Variants in DMD observed in about 807,000 individuals in gnomAD.
DMD encodes the protein dystrophin, also known as mutant dystrophin.
DMD carries 63 observed loss-of-function variants against 330.1 expected under a neutral mutation model. The ratio of observed to expected loss-of-function variants is 0.19; its 90% CI spans 0.16 to 0.24. DMD has a LOEUF of 0.24. Ranked by LOEUF, DMD falls within the 10% of genes least tolerant of loss-of-function variation. DMD has a pLI of 1.00. For missense variants in DMD, 3,344 were observed against 2,684.1 expected (o/e 1.25, Z -5.43); for synonymous variants, 1,223 against 959.8 (o/e 1.27, Z -5.07).
chrX:32,431,466 C>T (rs1214561074), intron 29 of DMD, among the ~76,000 whole-genome samples: 1 of 110,061 alleles, frequency 9.1e-6, no homozygotes, highest in Non-Finnish European at 1.9e-5. Context: ...TCTTTATTCT[C>T]CTCTTTGAAA....
chrX:31,125,662 T>G (rs1442011377), intron 78 of DMD, among the ~76,000 whole-genome samples: 1 of 111,747 alleles, frequency 8.9e-6, no homozygotes, highest in Non-Finnish European at 1.9e-5. Context: ...CATCCAACAG[T>G]CACTTAATTA....
At chrX:32,625,076 C>T (rs1490150021) in intron 11 of DMD, among the ~76,000 whole-genome samples, 1 of 111,912 alleles carries the variant, frequency 8.9e-6, no homozygotes, top group African/African-American at 3.3e-5. Flanking sequence ...GAGGCTGAGG[C>T]AGGACAATTG....
At position 31,483,302 on chromosome X, in the gene DMD, T is replaced by C. The variant is rs771041671; in HGVS notation, c.8548-4199A>G. ...ACCTCGTGATCTGCCCGCCTTGGCC[T>C]CCCAAAGTGCTGGGATTACAGGCGT... On this transcript the variant is annotated intron_variant, in intron 57 of 78. Transcript: ENST00000357033. Among the ~76,000 whole-genome samples, 4 of 110,726 alleles carry C rather than the reference T, an allele frequency of 3.6e-5. No individual in the cohort carries two copies. In the South Asian group the frequency reaches 1.5e-3, roughly 42 times the overall value.
chrX:32,869,732 A>G (rs2082799707), intron 2 of DMD, among the ~76,000 whole-genome samples: 1 of 110,109 alleles, frequency 9.1e-6, no homozygotes, highest in South Asian at 3.9e-4. Flanking sequence ...AGACGCAGAA[A>G]AGTCTTGATA....
chrX:32,878,067 G>A (rs2083516840), intron 2 of DMD, among the ~76,000 whole-genome samples: 1 of 112,307 alleles, frequency 8.9e-6, no homozygotes, highest in Non-Finnish European at 1.9e-5. Context: ...AAAGGCATCA[G>A]ATTTCTATTT....
intron 44 of DMD, among the ~76,000 whole-genome samples, chrX:32,118,864 A>C (rs2096622529): frequency 9.0e-6 from 1 of 110,939 alleles, no homozygotes; most frequent in Admixed American, 9.6e-5. Flanking sequence ...GATTCTCATA[A>C]GGAGCACACA....
chrX:32,878,310 G>A (rs892500502), intron 2 of DMD, among the ~76,000 whole-genome samples: 1 of 111,447 alleles, frequency 9.0e-6, no homozygotes, highest in African/African-American at 3.3e-5. Context: ...CCTGGGAGGC[G>A]GAGCTTGCAG....
At chrX:32,873,314 C>A (rs920429410) in intron 2 of DMD, among the ~76,000 whole-genome samples, 3 of 110,018 alleles carry the variant, frequency 2.7e-5, no homozygotes, top group Non-Finnish European at 5.7e-5. Context: ...CGTTCACATA[C>A]ACACAGGCAT....
rs756367978 is a variant in DMD at position 32,150,227 on chromosome X, T to G, written c.6438+66689A>C. ...TCTTCATTCAGGAATAAAAATAACGTGGAAAGTTATGAGGATAAAACAGGG... is the reference window on the plus strand; with the variant it reads ...TCTTCATTCAGGAATAAAAATAACGGGGAAAGTTATGAGGATAAAACAGGG... On this transcript the variant is annotated intron_variant, in intron 44 of 78. Coordinates refer to ENST00000357033, the MANE Select transcript of DMD (RefSeq NM_004006.3). Among the ~76,000 whole-genome samples the G allele has an allele frequency of 2.7e-5, 3 of 111,801 alleles. No individual in the cohort carries two copies. In the South Asian group the frequency reaches 1.1e-3, roughly 42 times the overall value.
At chrX:32,247,645 A>T (rs1041994676) in intron 43 of DMD, among the ~76,000 whole-genome samples, 3 of 111,068 alleles carry the variant, frequency 2.7e-5, no homozygotes, top group African/African-American at 9.8e-5. Context: ...CAATTCAAGG[A>T]TCATCTCACC....
intron 48 of DMD, among the ~76,000 whole-genome samples, chrX:31,840,402 GATAA>G (rs201742487): frequency 0.052 from 5,689 of 110,146 alleles, 122 homozygotes; most frequent in Middle Eastern, 0.095. Flanking sequence ...TATTAGATAT[GATAA>G]ATACACATAT....
intron 22 of DMD, among the ~76,000 whole-genome samples, chrX:32,471,373 T>TA (rs780662985): frequency 2.1e-4 from 24 of 112,143 alleles, no homozygotes; most frequent in Admixed American, 3.8e-4. Flanking sequence ...AGAAGGATGT[T>TA]AAAAAAATGT....
chrX:31,721,762 A>G (rs1257511757), intron 52 of DMD, among the ~76,000 whole-genome samples: 2 of 97,355 alleles, frequency 2.1e-5, no homozygotes, highest in African/African-American at 3.7e-5. Context: ...ATTATTAGAT[A>G]CAACAGAAGA....
intron 16 of DMD, among the ~76,000 whole-genome samples, chrX:32,556,585 A>T (rs766356597): frequency 1.6e-4 from 18 of 112,099 alleles, no homozygotes; most frequent in Non-Finnish European, 3.4e-4. Context: ...AGACAAGATA[A>T]AGAAAATGTG....
At chrX:32,905,889 G>A (rs1421681212) in intron 2 of DMD, among the ~76,000 whole-genome samples, 1 of 111,240 alleles carries the variant, frequency 9.0e-6, no homozygotes, top group African/African-American at 3.3e-5. Flanking sequence ...AATCTCTCCG[G>A]ACATGGTGAA....
At chrX:31,899,135 A>T (rs993109495) in intron 47 of DMD, among the ~76,000 whole-genome samples, 12 of 111,957 alleles carry the variant, frequency 1.1e-4, no homozygotes, top group African/African-American at 3.6e-4. Flanking sequence ...ATTCAATTGC[A>T]GTGTGCTCCT....
At chrX:32,005,579 A>G (rs1236723227) in intron 44 of DMD, among the ~76,000 whole-genome samples, 2 of 110,762 alleles carry the variant, frequency 1.8e-5, no homozygotes, top group Non-Finnish European at 3.8e-5. Flanking sequence ...TTCCCTAACC[A>G]CTGGGAATAG....
intron 44 of DMD, among the ~76,000 whole-genome samples, chrX:32,084,734 G>T (rs982624272): frequency 9.0e-6 from 1 of 111,315 alleles, no homozygotes; most frequent in African/African-American, 3.3e-5. Flanking sequence ...GCTATCTAAT[G>T]AGGACAACAG....
chrX:31,739,087 T>C (rs5971595), intron 51 of DMD, among the ~76,000 whole-genome samples: 5,307 of 111,618 alleles, frequency 0.048, 130 homozygotes, highest in East Asian at 0.089. Flanking sequence ...AAGAGTATAA[T>C]TGGATTGTTT....
Sources: allele counts gnomAD v4.1 joint callset (sites outside exome capture counted in the v4.1 genomes callset), GRCh38; gene constraint gnomAD v4.1.1; transcripts MANE v1.5; gene names NCBI Gene and HGNC (gene_info 2026-07-23, HGNC 2026-07-21).